Variants in NLGN1 observed in about 807,000 individuals in gnomAD.
NLGN1 encodes neuroligin-1.
A neutral mutation model predicts 65.5 loss-of-function variants in NLGN1; 12 were observed. The observed-to-expected ratio is 0.18, with a 90% confidence interval of 0.12 to 0.30. The LOEUF (loss-of-function observed/expected upper bound fraction) is 0.30, where lower values mean the gene tolerates loss of function less well. NLGN1 is among the 10% of genes least tolerant of loss of function. The probability of loss-of-function intolerance (pLI) is 1.00; values close to 1 mark genes in which losing one functional copy is unlikely to be tolerated. For missense variants in NLGN1, 750 were observed against 1,007.1 expected (o/e 0.74, Z 3.46); for synonymous variants, 350 against 359.5 (o/e 0.97, Z 0.30).
chr3:174,101,009 C>A (rs1712320187), intron 4 of NLGN1, among the ~76,000 whole-genome samples: 1 of 152,076 alleles, frequency 6.6e-6, no homozygotes, highest in African/African-American at 2.4e-5. Context: ...GTTTTGGAGT[C>A]AGCCAGGCCT....
chr3:173,875,092 G>A (rs1731872319), intron 4 of NLGN1, among the ~76,000 whole-genome samples: 1 of 152,114 alleles, frequency 6.6e-6, no homozygotes, highest in South Asian at 2.1e-4. Flanking sequence ...TCCTGTACCT[G>A]AGCAAGGAAT....
At chr3:173,401,243 T>C (rs977627396) in intron 1 of NLGN1, among the ~76,000 whole-genome samples, 1 of 143,492 alleles carries the variant, frequency 7.0e-6, no homozygotes, top group African/African-American at 2.5e-5. Flanking sequence ...CACCTCATCA[T>C]GACTATCCAA....
At chr3:173,926,556 C>G (rs1327531540) in intron 4 of NLGN1, among the ~76,000 whole-genome samples, 1 of 152,144 alleles carries the variant, frequency 6.6e-6, no homozygotes, top group Non-Finnish European at 1.5e-5. Flanking sequence ...TTATCATTCT[C>G]TACTATTTAT....
intron 3 of NLGN1, among the ~76,000 whole-genome samples, chr3:173,623,568 A>G (rs1754361233): frequency 6.6e-6 from 1 of 152,100 alleles, no homozygotes; most frequent in African/African-American, 2.4e-5. Context: ...TTGAGATGGG[A>G]AAGAACAAGG....
chr3:173,539,597 A>G (rs13353438), intron 2 of NLGN1, among the ~76,000 whole-genome samples: 1 of 126,230 alleles, frequency 7.9e-6, no homozygotes. Context: ...TATGTTATAT[A>G]ATATATGTAT....
intron 3 of NLGN1, among the ~76,000 whole-genome samples, chr3:173,742,794 G>T (rs1013261171): frequency 2.6e-5 from 4 of 152,032 alleles, no homozygotes; most frequent in African/African-American, 7.2e-5. Context: ...AGTGGCCCTG[G>T]TTTTTTCATA....
intron 2 of NLGN1, among the ~76,000 whole-genome samples, chr3:173,565,839 T>G (rs2149313191): frequency 6.6e-6 from 1 of 150,532 alleles, no homozygotes; most frequent in South Asian, 2.1e-4. Flanking sequence ...AATGAAAATT[T>G]TATTAAGGCC....
chr3:174,251,605 A>G (rs1337133167), intron 4 of NLGN1, among the ~76,000 whole-genome samples: 1 of 152,206 alleles, frequency 6.6e-6, no homozygotes, highest in Non-Finnish European at 1.5e-5. Context: ...TTCTTTTGGC[A>G]TGGATAACAG....
At chr3:173,402,845 C>T (rs943124270) in intron 1 of NLGN1, among the ~76,000 whole-genome samples, 13 of 152,092 alleles carry the variant, frequency 8.5e-5, no homozygotes, top group African/African-American at 2.2e-4. Context: ...TGAGACAATG[C>T]GTTGTATGAT....
chr3:174,210,482 C>T (rs56098522), intron 4 of NLGN1, among the ~76,000 whole-genome samples: 15,316 of 152,182 alleles, frequency 0.1, 1,653 homozygotes, highest in African/African-American at 0.27. Context: ...GCAATGGTGG[C>T]AGGGGATGGA....
chr3:173,477,272 G>A (rs901785095), intron 2 of NLGN1, among the ~76,000 whole-genome samples: 21 of 152,172 alleles, frequency 1.4e-4, no homozygotes, highest in African/African-American at 5.1e-4. Flanking sequence ...CAGGTGCAGT[G>A]GTTCATGTCT....
chr3:174,246,328 C>T (rs562507004), intron 4 of NLGN1, among the ~76,000 whole-genome samples: 98 of 152,244 alleles, frequency 6.4e-4, no homozygotes, highest in Non-Finnish European at 9.4e-4. Context: ...GTTTATTATT[C>T]CAAAACCAGC....
intron 2 of NLGN1, among the ~76,000 whole-genome samples, chr3:173,513,161 T>C (rs1205322918): frequency 5.3e-5 from 8 of 152,170 alleles, no homozygotes; most frequent in Admixed American, 5.2e-4. Flanking sequence ...GGGCAGACTT[T>C]GTTACAGAAT....
exon 7 of NLGN1, chr3:174,286,597 A>C (rs1752148127): frequency 6.6e-6 from 1 of 151,760 alleles, no homozygotes; most frequent in South Asian, 2.1e-4. Context: ...TATGGCTTTC[A>C]TTAAAAACGT....
At chr3:173,507,391 T>G (rs1732208575) in intron 2 of NLGN1, among the ~76,000 whole-genome samples, 1 of 152,176 alleles carries the variant, frequency 6.6e-6, no homozygotes, top group Admixed American at 6.6e-5. Context: ...CTCTCTCTTC[T>G]TAACTGGATT....
rs552640432 is a variant in NLGN1, at chr3:173,780,917, G to A, written c.494-26763G>A. On this transcript the variant is annotated intron_variant, in intron 3 of 6. Transcript: ENST00000457714. ...AGCACTTTGGGAGGCCGAGGCGGGC[G>A]GATCACGAGGTCAGGAGATCGAGAC... 2.9e-4 allele frequency among the ~76,000 whole-genome samples: 44 copies of A among 152,074 alleles called. No individual in the cohort carries two copies. In the Middle Eastern group the frequency reaches 0.01, roughly 36 times the overall value.
At chr3:173,483,696 G>A (rs747745026) in intron 2 of NLGN1, among the ~76,000 whole-genome samples, 1 of 151,926 alleles carries the variant, frequency 6.6e-6, no homozygotes. Flanking sequence ...GCTGATACAT[G>A]TATGGCAAAA....
At chr3:173,684,734 G>A (rs754815900) in intron 3 of NLGN1, among the ~76,000 whole-genome samples, 2 of 152,128 alleles carry the variant, frequency 1.3e-5, no homozygotes, top group African/African-American at 2.4e-5. Flanking sequence ...TACATGAAGT[G>A]TTTCATGATG....
At chr3:173,794,689 A>C (rs1713615871) in intron 3 of NLGN1, among the ~76,000 whole-genome samples, 3 of 152,184 alleles carry the variant, frequency 2.0e-5, no homozygotes, top group African/African-American at 7.2e-5. Flanking sequence ...AATCAAACAA[A>C]TATAGTGTTA....
Sources: gnomAD v4.1 joint callset for allele counts (sites outside exome capture counted in the v4.1 genomes callset) on GRCh38, gnomAD v4.1.1 for gene constraint, MANE v1.5 for transcripts, NCBI Gene and HGNC (gene_info 2026-07-23, HGNC 2026-07-21) for gene names.